PARD3B: variants seen among roughly 807,000 people sequenced by gnomAD.
PARD3B encodes the protein par-3 family cell polarity regulator beta, also known as partitioning defective 3 homolog B.
Under a neutral mutation model 130.2 loss-of-function variants are expected in PARD3B, and 103 were observed. The observed-to-expected ratio is 0.79, with a 90% CI of 0.67 to 0.93. PARD3B has a LOEUF of 0.93. PARD3B is among the 40% of genes least tolerant of loss of function. The pLI is 0.00. For missense variants in PARD3B, 1,609 were observed against 1,499.2 expected, an observed-to-expected ratio of 1.07 and a Z score of -1.21; for synonymous variants, 583 against 553.2, an observed-to-expected ratio of 1.05 and a Z score of -0.76.
intron 1 of PARD3B, among the ~76,000 whole-genome samples, chr2:204,656,025 T>C (rs1239642268): frequency 6.6e-6 from 1 of 151,970 alleles, no homozygotes; most frequent in Non-Finnish European, 1.5e-5. Context: ...CCTTTTCTCA[T>C]AGCAAAGGAA....
intron 18 of PARD3B, among the ~76,000 whole-genome samples, chr2:205,312,134 A>G (rs2042408825): frequency 6.6e-6 from 1 of 152,212 alleles, no homozygotes; most frequent in South Asian, 2.1e-4. Flanking sequence ...CTCATGTACA[A>G]TAAATGTAAT....
intron 11 of PARD3B, among the ~76,000 whole-genome samples, chr2:205,165,666 C>G (rs758845063): frequency 6.6e-6 from 1 of 150,888 alleles, no homozygotes; most frequent in Non-Finnish European, 1.5e-5. Flanking sequence ...TGCAATGAGC[C>G]GAGATCATAC....
intron 15 of PARD3B, among the ~76,000 whole-genome samples, chr2:205,206,527 C>G (rs2037321309): frequency 6.6e-6 from 1 of 151,096 alleles, no homozygotes; most frequent in Non-Finnish European, 1.5e-5. Context: ...TCATCCATGT[C>G]CCTACAAAGG....
chr2:205,520,284 T>G (rs1459745517), intron 21 of PARD3B, among the ~76,000 whole-genome samples: 1 of 152,088 alleles, frequency 6.6e-6, no homozygotes, highest in East Asian at 1.9e-4. Flanking sequence ...TGGTGATAAG[T>G]AGTGGTGGAT....
At chr2:204,760,060 C>T (rs2040834084) in intron 2 of PARD3B, among the ~76,000 whole-genome samples, 1 of 152,054 alleles carries the variant, frequency 6.6e-6, no homozygotes, top group African/African-American at 2.4e-5. Flanking sequence ...ACTCTGAAAA[C>T]AGAACCCATG....
intron 14 of PARD3B, among the ~76,000 whole-genome samples, chr2:205,191,820 A>C (rs1258128674): frequency 6.6e-6 from 1 of 152,112 alleles, no homozygotes. Flanking sequence ...GGCCAGACAC[A>C]CCACAGTGCT....
chr2:205,356,664 G>C (rs987906447), intron 18 of PARD3B, among the ~76,000 whole-genome samples: 16 of 152,152 alleles, frequency 1.1e-4, no homozygotes, highest in African/African-American at 3.6e-4. Context: ...GCCGAGATGG[G>C]CAGATTACTT....
chr2:205,450,466 CTT>C (rs869229400), intron 20 of PARD3B, among the ~76,000 whole-genome samples: 322 of 78,356 alleles, frequency 4.1e-3, no homozygotes, highest in African/African-American at 0.013. Context: ...AGTGCAGATT[CTT>C]TTTTTTTTTT....
In PARD3B at chr2:204,623,431, CCA is replaced by C. The variant is rs1189891616; in HGVS notation, c.121-62746_121-62745del. ...TCGTGCCACCCCTTTATAGTCATAC[CCA>C]CACCCAGCACCCTCCACCATCCCTT... On this transcript the variant is annotated intron_variant, in intron 1 of 22. Coordinates refer to ENST00000406610, the MANE Select transcript of PARD3B (RefSeq NM_001302769.2). The surrounding 1 kb of genome is among the most constrained non-coding windows in gnomAD (Gnocchi z 4.5). Among the ~76,000 whole-genome samples, 1 of 152,052 alleles carries C rather than the reference CCA, an allele frequency of 6.6e-6. No homozygotes were observed. The highest frequency in any genetic ancestry group is 2.4e-5 in the African/African-American group (1 of 41,430).
At chr2:204,581,700 A>G (rs967568057) in intron 1 of PARD3B, among the ~76,000 whole-genome samples, 3 of 152,152 alleles carry the variant, frequency 2.0e-5, no homozygotes, top group African/African-American at 7.2e-5. Context: ...ACTCCATGAA[A>G]TTGCTACCTG....
At chr2:205,599,709 C>G (rs767849057) in intron 22 of PARD3B, among the ~76,000 whole-genome samples, 1 of 152,148 alleles carries the variant, frequency 6.6e-6, no homozygotes, top group Admixed American at 6.5e-5. Context: ...CTCTTCACTT[C>G]TGAAAGAGTT....
Position 205,118,926 on chromosome 2 carries a change from T to TA in PARD3B, c.687dup (p.Gly230ArgfsTer8). 6.3e-7 allele frequency: 1 copy of TA among 1,597,338 alleles called. No homozygotes were observed. The highest frequency in any genetic ancestry group is 8.5e-7 in the Non-Finnish European group (1 of 1,173,016). On this transcript the variant is annotated frameshift_variant, in exon 7 of 23. Coordinates refer to ENST00000406610, the MANE Select transcript of PARD3B (RefSeq NM_001302769.2). LOFTEE classifies it high-confidence loss of function. ...AATCTAAATTTTGCATTTAGGATTC[T>TA]AGGACTCTTCATCCGAGGCATTGAA...
At chr2:205,332,070 A>ACT (rs2043158316) in intron 18 of PARD3B, among the ~76,000 whole-genome samples, 1 of 152,010 alleles carries the variant, frequency 6.6e-6, no homozygotes. Flanking sequence ...GTGCCATTGT[A>ACT]CTCTAGCCAG....
intron 2 of PARD3B, among the ~76,000 whole-genome samples, chr2:204,838,777 T>G (rs1435435097): frequency 6.6e-6 from 1 of 152,178 alleles, no homozygotes; most frequent in Non-Finnish European, 1.5e-5. Flanking sequence ...TTATACTTAT[T>G]TGATCTTTAA....
In PARD3B at chr2:205,230,402, G is replaced by T. The variant is rs952311126; in HGVS notation, c.2141-15376G>T. Among the ~76,000 whole-genome samples the T allele has an allele frequency of 3.1e-4, 47 of 152,276 alleles. No homozygotes were observed. The highest frequency in any genetic ancestry group is 1.1e-3 in the African/African-American group (47 of 41,572). On this transcript the variant is annotated intron_variant, in intron 15 of 22. Transcript: ENST00000406610. The surrounding 1 kb of genome is among the most constrained non-coding windows in gnomAD (Gnocchi z 4.1). The stretch of plus-strand genomic sequence containing the variant: ...CTTCAAAGCTGCGAGTTTCCTTCTG[G>T]CAGAGTGTGTGTCTGGAAATGTCAT...
intron 4 of PARD3B, among the ~76,000 whole-genome samples, chr2:205,098,792 T>G (rs1480281263): frequency 6.6e-6 from 1 of 152,250 alleles, no homozygotes; most frequent in South Asian, 2.1e-4. Flanking sequence ...GCTAACCAAA[T>G]GTAAACACCT....
chr2:205,457,690 A>T (rs1485974589), intron 20 of PARD3B, among the ~76,000 whole-genome samples: 2 of 151,970 alleles, frequency 1.3e-5, no homozygotes, highest in African/African-American at 2.4e-5. Context: ...TGTAATTGCC[A>T]GTGATTTTTT....
chr2:204,752,896 C>T (rs1187067828), intron 2 of PARD3B, among the ~76,000 whole-genome samples: 1 of 152,192 alleles, frequency 6.6e-6, no homozygotes, highest in Non-Finnish European at 1.5e-5. Flanking sequence ...CGACATCCCA[C>T]AGTGTACTAT....
At chr2:205,546,340 G>A (rs558552292) in intron 21 of PARD3B, among the ~76,000 whole-genome samples, 12 of 152,110 alleles carry the variant, frequency 7.9e-5, no homozygotes, top group African/African-American at 2.9e-4. Flanking sequence ...TGTGTAAAAG[G>A]CTAGATTTCT....
Sources: gnomAD v4.1 joint callset for allele counts (sites outside exome capture counted in the v4.1 genomes callset) on GRCh38, gnomAD v4.1.1 for gene constraint, Gnocchi (gnomAD v3.1) non-coding constraint, MANE v1.5 for transcripts, NCBI Gene and HGNC (gene_info 2026-07-23, HGNC 2026-07-21) for gene names.